The following KCNH1 variants were observed in gnomAD, a reference collection of about 807,000 sequenced individuals.
The protein encoded by KCNH1 is potassium voltage-gated channel subfamily H member 1.
KCNH1 carries 27 observed loss-of-function variants against 69.2 expected under a neutral mutation model. The ratio of observed to expected loss-of-function variants is 0.39; its 90% CI spans 0.29 to 0.54. The LOEUF (loss-of-function observed/expected upper bound fraction) is 0.54, where lower values mean the gene tolerates loss of function less well. KCNH1 is among the 20% of genes least tolerant of loss of function. The pLI, the probability that KCNH1 is intolerant of heterozygous loss-of-function variation, is 0.68. For missense variants in KCNH1, 798 were observed against 1,261.6 expected, an observed-to-expected ratio of 0.63 and a Z score of 5.57; for synonymous variants, 456 against 487.7, an observed-to-expected ratio of 0.93 and a Z score of 0.86.
chr1:210,846,342 A>G (rs1685547595), intron 7 of KCNH1, among the ~76,000 whole-genome samples: 1 of 152,238 alleles, frequency 6.6e-6, no homozygotes. Context: ...CTACAAGGCT[A>G]CAGTAATCAA....
At chr1:211,005,984 T>G (rs1323274656) in intron 6 of KCNH1, among the ~76,000 whole-genome samples, 1 of 152,068 alleles carries the variant, frequency 6.6e-6, no homozygotes, top group Non-Finnish European at 1.5e-5. Context: ...CAGCAAAAAT[T>G]TATGAAACGA....
chr1:210,768,416 T>G (rs2102361031), intron 10 of KCNH1, among the ~76,000 whole-genome samples: 1 of 152,318 alleles, frequency 6.6e-6, no homozygotes, highest in South Asian at 2.1e-4. Context: ...GTCTAGTACC[T>G]CCATATGATT....
chr1:210,866,390 A>C (rs1686110356), intron 7 of KCNH1, among the ~76,000 whole-genome samples: 1 of 152,200 alleles, frequency 6.6e-6, no homozygotes, highest in Non-Finnish European at 1.5e-5. Context: ...TTGTATCCAG[A>C]ATATATTACA....
intron 7 of KCNH1, among the ~76,000 whole-genome samples, chr1:210,846,746 A>C (rs916455613): frequency 2.6e-5 from 4 of 151,822 alleles, no homozygotes; most frequent in Admixed American, 6.6e-5. Flanking sequence ...TAATTAAACT[A>C]AAGAGCTTCT....
In KCNH1 at chr1:210,781,472, A is replaced by G. The variant is rs931063950; in HGVS notation, c.1916-5928T>C. Reference sequence around the variant, plus strand: ...TCATTCACTTCATCAGGATGATGAAATGCAGCTGCAGAGTCCTGCCATAGC... The same window carrying G: ...TCATTCACTTCATCAGGATGATGAAGTGCAGCTGCAGAGTCCTGCCATAGC... On this transcript the variant is annotated intron_variant, in intron 9 of 10. Transcript: ENST00000271751. Among the ~76,000 whole-genome samples the G allele has an allele frequency of 3.3e-5, 5 of 152,150 alleles. No homozygotes were observed. The East Asian group carries it at 9.6e-4, about 29-fold the overall frequency.
At chr1:210,952,343 G>A (rs1688079895) in intron 6 of KCNH1, among the ~76,000 whole-genome samples, 1 of 152,060 alleles carries the variant, frequency 6.6e-6, no homozygotes, top group African/African-American at 2.4e-5. Flanking sequence ...CCTTGATGAT[G>A]TAACTTCCTT....
intron 5 of KCNH1, among the ~76,000 whole-genome samples, chr1:211,074,413 A>C (rs1173479169): frequency 6.6e-6 from 1 of 152,160 alleles, no homozygotes; most frequent in Non-Finnish European, 1.5e-5. Context: ...GATAGGAAGA[A>C]GAAAAATGAA....
chr1:210,765,914 T>A (rs2102357544), intron 10 of KCNH1, among the ~76,000 whole-genome samples: 1 of 151,302 alleles, frequency 6.6e-6, no homozygotes, highest in South Asian at 2.1e-4. Context: ...ATACAAAAAA[T>A]TAGCCGGGCG....
chr1:210,944,652 G>T (rs1687926879), intron 6 of KCNH1, among the ~76,000 whole-genome samples: 1 of 152,184 alleles, frequency 6.6e-6, no homozygotes, highest in Non-Finnish European at 1.5e-5. Context: ...TGACAAAGCT[G>T]AGACACAAAC....
At chr1:210,927,393 T>G (rs954910615) in intron 6 of KCNH1, among the ~76,000 whole-genome samples, 7 of 152,210 alleles carry the variant, frequency 4.6e-5, no homozygotes, top group African/African-American at 1.7e-4. Flanking sequence ...TAGAATGAAC[T>G]AGGGTCCTAT....
intron 10 of KCNH1, among the ~76,000 whole-genome samples, chr1:210,724,977 A>G (rs1448586078): frequency 1.3e-5 from 2 of 152,192 alleles, no homozygotes; most frequent in African/African-American, 4.8e-5. Flanking sequence ...AATTTTCCCT[A>G]TTAAAATGCC....
intron 6 of KCNH1, among the ~76,000 whole-genome samples, chr1:211,001,343 AG>A (rs1278992223): frequency 6.6e-6 from 1 of 152,240 alleles, no homozygotes; most frequent in Non-Finnish European, 1.5e-5. Flanking sequence ...CCCATCAAAA[AG>A]TGAACAAAGG....
intron 5 of KCNH1, among the ~76,000 whole-genome samples, chr1:211,030,541 A>G (rs1209028555): frequency 6.6e-6 from 1 of 152,228 alleles, no homozygotes; most frequent in Non-Finnish European, 1.5e-5. Context: ...CATGGGAACA[A>G]GTGGACATCA....
chr1:210,997,681 G>A (rs1195069017), intron 6 of KCNH1, among the ~76,000 whole-genome samples: 2 of 152,048 alleles, frequency 1.3e-5, no homozygotes, highest in Admixed American at 6.6e-5. Flanking sequence ...GATACTCCTC[G>A]AGAAGAGCAA....
chr1:210,796,150 G>A (rs1178363918), intron 9 of KCNH1, among the ~76,000 whole-genome samples: 1 of 85,724 alleles, frequency 1.2e-5, no homozygotes, highest in Non-Finnish European at 2.4e-5. Context: ...GCAAGATTCC[G>A]TCTCAAAAAA....
chr1:210,967,226 C>A (rs1462841140), intron 6 of KCNH1, among the ~76,000 whole-genome samples: 1 of 151,980 alleles, frequency 6.6e-6, no homozygotes, highest in Non-Finnish European at 1.5e-5. Flanking sequence ...TAATGTAGAT[C>A]ATGGGCTGAT....
At chr1:210,718,651 T>TACACACACACAC (rs57407331) in intron 10 of KCNH1, among the ~76,000 whole-genome samples, 1 of 75,558 alleles carries the variant, frequency 1.3e-5, no homozygotes, top group Middle Eastern at 6.5e-3. Flanking sequence ...CATATATATA[T>TACACACACACAC]ACACACACAC....
intron 7 of KCNH1, among the ~76,000 whole-genome samples, chr1:210,910,087 CA>C (rs1046838932): frequency 2.2e-5 from 3 of 135,696 alleles, no homozygotes; most frequent in African/African-American, 5.5e-5. Flanking sequence ...CATCAAGCAC[CA>C]AAAAAAAATT....
intron 7 of KCNH1, among the ~76,000 whole-genome samples, chr1:210,909,656 T>C (rs1051961058): frequency 1.3e-5 from 2 of 152,234 alleles, no homozygotes; most frequent in Non-Finnish European, 2.9e-5. Flanking sequence ...GTCTATGCTA[T>C]ACAATTTCAA....
Sources: gnomAD v4.1 joint callset for allele counts (sites outside exome capture counted in the v4.1 genomes callset) on GRCh38, gnomAD v4.1.1 for gene constraint, MANE v1.5 for transcripts, NCBI Gene and HGNC (gene_info 2026-07-23, HGNC 2026-07-21) for gene names.